The following ADGRE5 variants were observed in gnomAD, a reference collection of about 807,000 sequenced individuals.
ADGRE5 encodes the protein CD97 molecule.
A neutral mutation model predicts 100.3 loss-of-function variants in ADGRE5; 72 were observed. That is an observed-to-expected ratio of 0.72 (90% CI 0.59 to 0.87). The LOEUF is 0.87. Among genes scored for constraint, ADGRE5 ranks in the 40% least tolerant of loss-of-function variants. The pLI, the probability that ADGRE5 is intolerant of heterozygous loss-of-function variation, is 0.00. For synonymous variants in ADGRE5, 439 were observed against 447.8 expected (o/e 0.98, Z 0.25); for missense variants, 959 against 1,094.7 (o/e 0.88, Z 1.75).
intron 1 of ADGRE5, among the ~76,000 whole-genome samples, chr19:14,383,657 G>T (rs1398615028): frequency 1.3e-5 from 2 of 151,868 alleles, no homozygotes; most frequent in African/African-American, 4.8e-5. Context: ...GCAGGAAACT[G>T]ACTACTTAGG....
Position 14,406,401 on chromosome 19 carries a change from G to A in ADGRE5, c.1892G>A (p.Ser631Asn), listed in dbSNP as rs140048136. ...TTCCTGGCCGCCTTCTGCTGGATGA[G>A]CCTCGAAGGCCTGGAGCTCTACTTT... is the stretch of plus-strand genomic sequence containing the variant. Reference protein sequence around the residue: ...YCFLAAFCWMSLEGLELYFLV... With the variant: ...YCFLAAFCWMNLEGLELYFLV... Residue 631 changes from serine (S) to asparagine (N), a missense_variant, in exon 15 of 20, where the codon AGC becomes AAC. Coordinates refer to ENST00000242786, the MANE Select transcript of ADGRE5 (RefSeq NM_078481.4). This position sits in a 1 kb window ranked among gnomAD's most constrained non-coding sequence, Gnocchi z 6.0. 4.0e-4 allele frequency: 641 copies of A among 1,592,756 alleles called. 2 individuals carry two copies. In the Middle Eastern group the frequency reaches 6.1e-3, roughly 15 times the overall value.
At position 14,406,453 on chromosome 19, in the gene ADGRE5, G is replaced by T. The variant is rs1186438590; in HGVS notation, c.1944G>T (p.Gln648His). 6.3e-7 allele frequency: 1 copy of T among 1,578,322 alleles called. No individual in the cohort carries two copies. ...TTGTGGTGCGCGTGTTCCAAGGCCA[G>T]GGCCTGAGTACGCGCTGGCTCTGCC... ...YFLVVRVFQG[Q>H]GLSTRWLCLI... The change falls in exon 15 of 20, where the codon CAG becomes CAT. Residue 648 changes from glutamine (Q) to histidine (H), a missense_variant. This residue lies in a region of ADGRE5 where 428 missense variants were observed against 386.2 expected (regional missense o/e 1.11). Transcript: ENST00000242786. The surrounding 1 kb of genome is among the most constrained non-coding windows in gnomAD (Gnocchi z 6.0).
At chr19:14,407,289 G>T (rs1273058729) in intron 18 of ADGRE5, 60 bp downstream of exon 18, 1 of 1,584,092 alleles carries the variant, frequency 6.3e-7, no homozygotes, top group Admixed American at 1.7e-5. Flanking sequence ...GGGAGGCTGA[G>T]GTGGGAGGAT....
chr19:14,397,311 C>T (rs886418440), intron 6 of ADGRE5, 88 bp downstream of exon 6: 12 of 1,587,256 alleles, frequency 7.6e-6, no homozygotes, highest in African/African-American at 2.7e-5. Context: ...GCAGAATGAG[C>T]GCTGGAGGCA....
intron 1 of ADGRE5, among the ~76,000 whole-genome samples, chr19:14,387,000 G>A (rs1457781237): frequency 6.6e-6 from 1 of 152,040 alleles, no homozygotes; most frequent in Non-Finnish European, 1.5e-5. Context: ...GGGCGACAGA[G>A]AGAGACTCTG....
In ADGRE5 at chr19:14,408,183, C is replaced by T; in HGVS notation, c.*62C>T. 6.4e-7 allele frequency: 1 copy of T among 1,558,420 alleles called. No individual in the cohort carries two copies. The highest frequency in any genetic ancestry group is 2.3e-5 in the East Asian group (1 of 44,332). Reference sequence around the variant, plus strand: ...GCCACAGCAGCTTTGTACACGAAGACCATCCATCCTCCCTTCGTCCACCAC... The same window carrying T: ...GCCACAGCAGCTTTGTACACGAAGATCATCCATCCTCCCTTCGTCCACCAC... On this transcript the variant is annotated 3_prime_UTR_variant, in exon 20 of 20. Coordinates refer to ENST00000242786, the MANE Select transcript of ADGRE5 (RefSeq NM_078481.4).
Position 14,396,352 on chromosome 19 carries a change from A to G in ADGRE5, c.357A>G (p.Glu119=), listed in dbSNP as rs1006417318. ...ESENTCQDVD[E]CQQNPRLCKS... is the part of the protein sequence containing the mutation. Reference sequence around the variant, plus strand: ...TCCTTCCTCTTGCAGATGTGGACGAATGTCAGCAGAACCCAAGGCTCTGTA... The same window carrying G: ...TCCTTCCTCTTGCAGATGTGGACGAGTGTCAGCAGAACCCAAGGCTCTGTA... The change falls in exon 5 of 20, where the codon GAA becomes GAG. Residue 119 remains glutamate, a synonymous_variant. Transcript: ENST00000242786. 8 of 1,614,266 alleles carry G rather than the reference A, an allele frequency of 5.0e-6. No individual in the cohort carries two copies. The highest frequency in any genetic ancestry group is 3.3e-5 in the South Asian group (3 of 91,084).
chr19:14,390,009 G>A (rs1975540054), intron 3 of ADGRE5, among the ~76,000 whole-genome samples: 1 of 150,964 alleles, frequency 6.6e-6, no homozygotes, highest in South Asian at 2.1e-4. Flanking sequence ...CCGGGAGGCG[G>A]AAGTTGCAGT....
In ADGRE5 at chr19:14,407,241, G is replaced by C; in HGVS notation, c.2376+12G>C. 1 of 1,613,484 alleles carries C rather than the reference G, an allele frequency of 6.2e-7. No individual in the cohort carries two copies. Among genetic ancestry groups the C allele is most frequent in the East Asian group, 2.2e-5 (1 of 44,876 alleles). ...TGCTCAACAAGAAGGTGGGGGCCTG[G>C]GCACAGTGGCGCACGCCTGTCATCC... On this transcript the variant is annotated intron_variant, in intron 18 of 19. Transcript: ENST00000242786.
chr19:14,381,928 G>A (rs1247900942), intron 1 of ADGRE5, among the ~76,000 whole-genome samples: 10 of 151,768 alleles, frequency 6.6e-5, no homozygotes, highest in African/African-American at 2.4e-4. Flanking sequence ...ATGGGCGGGG[G>A]TGGGGAAGCT....
In ADGRE5 at chr19:14,401,275, C is replaced by G; in HGVS notation, c.898-111C>G. 1.2e-6 allele frequency: 1 copy of G among 847,194 alleles called. No homozygotes were observed. The highest frequency in any genetic ancestry group is 1.8e-6 in the Non-Finnish European group (1 of 548,304). 52.5% of individuals were successfully genotyped at this position (847,194 alleles called of 1,614,324 possible). On this transcript the variant is annotated intron_variant, in intron 9 of 19. Transcript: ENST00000242786. The surrounding 1 kb of genome is among the most constrained non-coding windows in gnomAD (Gnocchi z 4.1). ...GTTACTGCATCATCTCAGTGATTCC[C>G]TTGTGCCTGTGGGTCTCCAGTGTGT...
intron 6 of ADGRE5, 118 bp downstream of exon 6, chr19:14,397,341 C>T (rs1243029458): frequency 2.9e-5 from 44 of 1,519,756 alleles, no homozygotes; most frequent in Non-Finnish European, 3.2e-5. Flanking sequence ...GCCAGGCGTT[C>T]GTTCATTCTT....
chr19:14,400,007 A>T (rs745383171), intron 9 of ADGRE5, among the ~76,000 whole-genome samples: 1 of 150,328 alleles, frequency 6.7e-6, no homozygotes. Context: ...CACTGTGCCT[A>T]ATTTTTTCAT....
rs28533737 is a variant in ADGRE5, at chr19:14,401,241, T to C, written c.898-145T>C. Reference sequence around the variant, plus strand: ...GCAGGCAAATACTCAATCCGTCGCTTGTTTTCTGGTTACTGCATCATCTCA... The same window carrying C: ...GCAGGCAAATACTCAATCCGTCGCTCGTTTTCTGGTTACTGCATCATCTCA... On this transcript the variant is annotated intron_variant, in intron 9 of 19. Coordinates refer to ENST00000242786, the MANE Select transcript of ADGRE5 (RefSeq NM_078481.4). The surrounding 1 kb of genome is among the most constrained non-coding windows in gnomAD (Gnocchi z 4.1). 28,531 of 670,190 alleles carry C rather than the reference T, an allele frequency of 0.043. 1,382 individuals are homozygous for C. The highest frequency in any genetic ancestry group is 0.19 in the African/African-American group (10,376 of 54,972). 41.5% of individuals were successfully genotyped at this position (670,190 alleles called of 1,614,324 possible). A position where few individuals can be genotyped will look rare whatever the true frequency, so the allele number is the denominator to read the frequency against.
intron 18 of ADGRE5, 52 bp from the exon 19 acceptor site, chr19:14,407,856 G>C: frequency 6.8e-7 from 1 of 1,467,864 alleles, no homozygotes; most frequent in Non-Finnish European, 9.5e-7. Context: ...GGGGAGGAGC[G>C]TGCATGGTCC....
Position 14,395,682 on chromosome 19 carries a change from C to A in ADGRE5, c.347-660C>A, listed in dbSNP as rs571591846. Among the ~76,000 whole-genome samples, 6 of 152,344 alleles carry A rather than the reference C, an allele frequency of 3.9e-5. No homozygotes were observed. In the East Asian group the frequency reaches 1.2e-3, roughly 29 times the overall value. On this transcript the variant is annotated intron_variant, in intron 4 of 19. Coordinates refer to ENST00000242786, the MANE Select transcript of ADGRE5 (RefSeq NM_078481.4). ...TCCTTTCCTGGGGATCAGAAAAAAG[C>A]ATCTTTGTAGACTCGGGGCTGCCTG...
intron 18 of ADGRE5, among the ~76,000 whole-genome samples, 196 bp downstream of exon 18, chr19:14,407,425 A>G (rs1239084556): frequency 1.3e-5 from 2 of 152,144 alleles, no homozygotes; most frequent in Non-Finnish European, 2.9e-5. Context: ...CGAGGTGGGC[A>G]GATCACCTGA....
In ADGRE5 at chr19:14,388,447, C is replaced by T. The variant is rs760831460; in HGVS notation, c.23-3C>T. On this transcript the variant is annotated splice_region_variant and splice_polypyrimidine_tract_variant and intron_variant, in intron 1 of 19. Coordinates refer to ENST00000242786, the MANE Select transcript of ADGRE5 (RefSeq NM_078481.4). ...CTGACCCCCTTTCCTTTCTCTGTTG[C>T]AGCATTCTGTGTCTGGCTGACTCTG... 2 of 1,594,304 alleles carry T rather than the reference C, an allele frequency of 1.3e-6. No homozygotes were observed. Among genetic ancestry groups the T allele is most frequent in the Non-Finnish European group, 1.7e-6 (2 of 1,169,600 alleles).
Position 14,408,301 on chromosome 19 carries a change from G to A in ADGRE5, c.*180G>A, listed in dbSNP as rs1045249171. 13 of 704,084 alleles carry A rather than the reference G, an allele frequency of 1.8e-5. No individual in the cohort carries two copies. The highest frequency in any genetic ancestry group is 1.2e-4 in the African/African-American group (7 of 57,222). 43.6% of individuals were successfully genotyped at this position (704,084 alleles called of 1,614,324 possible). A position where few individuals can be genotyped will look rare whatever the true frequency, so the allele number is the denominator to read the frequency against. On this transcript the variant is annotated 3_prime_UTR_variant, in exon 20 of 20. Coordinates refer to ENST00000242786, the MANE Select transcript of ADGRE5 (RefSeq NM_078481.4). ...CACCAAAGTCCAGGACACCCAGTGG[G>A]GTGGAGTCGGAGCCACTGGTCCTGC...
Sources: gnomAD v4.1 joint callset for allele counts (sites outside exome capture counted in the v4.1 genomes callset) on GRCh38, gnomAD v4.1.1 for gene constraint, gnomAD v4.1.1 regional missense constraint, Gnocchi (gnomAD v3.1) non-coding constraint, MANE v1.5 for transcripts, NCBI Gene and HGNC (gene_info 2026-07-23, HGNC 2026-07-21) for gene names.